HIVEP1: variants seen among roughly 807,000 people sequenced by gnomAD.
HIVEP1 encodes the protein zinc finger protein 40.
In HIVEP1, 36 loss-of-function variants were observed where a neutral mutation model predicts 180.0. That is an observed-to-expected ratio of 0.20 (90% CI 0.15 to 0.26). The LOEUF (loss-of-function observed/expected upper bound fraction) is 0.26, where lower values mean the gene tolerates loss of function less well. HIVEP1 is among the 10% of genes least tolerant of loss of function. HIVEP1 has a pLI of 1.00. For synonymous variants in HIVEP1, 1,239 were observed against 1,239.0 expected (o/e 1.00, Z 0.00); for missense variants, 3,143 against 3,268.7 (o/e 0.96, Z 0.94).
chr6:12,055,293 T>C (rs1193622989), intron 2 of HIVEP1, among the ~76,000 whole-genome samples: 1 of 152,054 alleles, frequency 6.6e-6, no homozygotes, highest in African/African-American at 2.4e-5. Flanking sequence ...GCCAACACGG[T>C]GAAACTCCGT....
At chr6:12,022,932 C>T (rs1172669998) in intron 2 of HIVEP1, among the ~76,000 whole-genome samples, 1 of 152,196 alleles carries the variant, frequency 6.6e-6, no homozygotes, top group African/African-American at 2.4e-5. Context: ...CACTTAAATT[C>T]ATTTAAGCCT....
Position 12,164,278 on chromosome 6 carries a change from G to A in HIVEP1, c.7974G>A (p.Ala2658=), listed in dbSNP as rs199704857. The change falls in exon 9 of 9, where the codon GCG becomes GCA. Residue 2658 remains alanine (A), a synonymous_variant. Transcript: ENST00000379388. ...TCACTTCCATACAGGGCCAACCAGC[G>A]TCCACGTCACAACCTCTGCTGAAGG... ...PELTSIQGQP[A]STSQPLLKAH... 7 of 1,614,052 alleles carry A rather than the reference G, an allele frequency of 4.3e-6. No individual in the cohort carries two copies. The highest frequency in any genetic ancestry group is 4.0e-5 in the African/African-American group (3 of 75,032).
chr6:12,024,999 A>T (rs765979386), intron 2 of HIVEP1, among the ~76,000 whole-genome samples: 2 of 152,240 alleles, frequency 1.3e-5, no homozygotes, highest in Non-Finnish European at 2.9e-5. Flanking sequence ...ACAGGTCTCT[A>T]CTAGGCTCTG....
chr6:12,181,777 G>A, the HIVEP1 span, among the ~76,000 whole-genome samples: 1 of 152,184 alleles, frequency 6.6e-6, no homozygotes, highest in African/African-American at 2.4e-5. Context: ...AGTTGCAAAG[G>A]TGAGAGCTTG....
chr6:12,184,362 A>C, the HIVEP1 span, among the ~76,000 whole-genome samples: 1 of 152,232 alleles, frequency 6.6e-6, no homozygotes, highest in Non-Finnish European at 1.5e-5. Context: ...CACAAATGTC[A>C]AAATTTTTTC....
intron 3 of HIVEP1, among the ~76,000 whole-genome samples, chr6:12,089,881 CAG>C (rs1581661288): frequency 1.3e-5 from 2 of 151,888 alleles, no homozygotes; most frequent in Non-Finnish European, 2.9e-5. Flanking sequence ...CATACACACA[CAG>C]AGGCTTCTGT....
At chr6:12,185,492 G>A in the HIVEP1 span, among the ~76,000 whole-genome samples, 1 of 152,322 alleles carries the variant, frequency 6.6e-6, no homozygotes, top group South Asian at 2.1e-4. Context: ...CCACAGTGCT[G>A]AGGGGCACTG....
chr6:12,186,531 A>G, the HIVEP1 span, among the ~76,000 whole-genome samples: 3 of 121,912 alleles, frequency 2.5e-5, no homozygotes, highest in Admixed American at 1.9e-4. Flanking sequence ...TAATTTCACT[A>G]AAACCATCAA....
chr6:12,029,426 T>C (rs893467342), intron 2 of HIVEP1, among the ~76,000 whole-genome samples: 1 of 152,248 alleles, frequency 6.6e-6, no homozygotes, highest in Admixed American at 6.5e-5. Flanking sequence ...TTCCATCACA[T>C]TGATGTAATT....
At chr6:12,010,663 G>A (rs1767227861), upstream of HIVEP1, among the ~76,000 whole-genome samples, 1 of 151,788 alleles carries the variant, frequency 6.6e-6, no homozygotes, top group Non-Finnish European at 1.5e-5. Flanking sequence ...GTTTGAGGTG[G>A]CCCGTTAAAC....
the HIVEP1 span, among the ~76,000 whole-genome samples, chr6:12,200,355 C>T: frequency 6.6e-6 from 1 of 152,228 alleles, no homozygotes; most frequent in Admixed American, 6.5e-5. Context: ...CAAGACTGCC[C>T]TGAACTGCTA....
chr6:12,174,454 T>C, the HIVEP1 span, among the ~76,000 whole-genome samples: 279 of 152,268 alleles, frequency 1.8e-3, no homozygotes, highest in African/African-American at 6.5e-3. Context: ...CAACCCTCTT[T>C]GATACTTAAG....
At chr6:12,201,145 A>G in the HIVEP1 span, among the ~76,000 whole-genome samples, 1 of 152,234 alleles carries the variant, frequency 6.6e-6, no homozygotes, top group East Asian at 1.9e-4. Context: ...TTTCAAACAC[A>G]TGCTTTTCTT....
chr6:12,051,001 C>CATATATATATATATAT (rs1161977899), intron 2 of HIVEP1, among the ~76,000 whole-genome samples: 2,936 of 77,270 alleles, frequency 0.038, 179 homozygotes, highest in Middle Eastern at 0.049. Flanking sequence ...TACACAAGTG[C>CATATATATATATATAT]ATATATATAT....
At chr6:12,129,489 A>G (rs1233661011) in intron 4 of HIVEP1, 1 of 479,756 alleles carries the variant, frequency 2.1e-6, no homozygotes, top group East Asian at 4.8e-5. Context: ...AAGAAATACC[A>G]TGGTATAGGA....
intron 7 of HIVEP1, among the ~76,000 whole-genome samples, chr6:12,148,474 A>C (rs1759503855): frequency 6.6e-6 from 1 of 152,216 alleles, no homozygotes; most frequent in African/African-American, 2.4e-5. Context: ...GGATAAGTGA[A>C]AACATTGTAT....
At chr6:12,117,149 A>T (rs1264747020) in intron 3 of HIVEP1, among the ~76,000 whole-genome samples, 1 of 152,192 alleles carries the variant, frequency 6.6e-6, no homozygotes, top group Non-Finnish European at 1.5e-5. Flanking sequence ...GTTGACCAGA[A>T]AACGTATATG....
chr6:12,163,034 A>C (rs1581814507), intron 8 of HIVEP1, among the ~76,000 whole-genome samples: 1 of 152,228 alleles, frequency 6.6e-6, no homozygotes, highest in Non-Finnish European at 1.5e-5. Context: ...TGCTTCAGAC[A>C]TGCAAAAGAC....
At position 12,130,747 on chromosome 6, in the gene HIVEP1, A is replaced by AT. The variant is rs760477206; in HGVS notation, c.6210-12dup. The AT allele has an allele frequency of 5.5e-5, 80 of 1,447,254 alleles. No individual in the cohort carries two copies. Among genetic ancestry groups the AT allele is most frequent in the South Asian group, 6.4e-5 (5 of 78,350 alleles). The allele number at this position is 1,447,254 out of a possible 1,614,324, so 89.7% of individuals were successfully genotyped here. On this transcript the variant is annotated intron_variant, in intron 5 of 8. Coordinates refer to ENST00000379388, the MANE Select transcript of HIVEP1 (RefSeq NM_002114.4). ...GGCATAGTGTCCAATCTCCCTATTC[A>AT]TTTTTTTTCTTTAAATTAGATATAA...
Sources: allele counts gnomAD v4.1 joint callset (sites outside exome capture counted in the v4.1 genomes callset), GRCh38; gene constraint gnomAD v4.1.1; transcripts MANE v1.5; gene names NCBI Gene and HGNC (gene_info 2026-07-23, HGNC 2026-07-21).